Variants in PCDHGB2 observed in about 807,000 individuals in gnomAD.
The protein encoded by PCDHGB2 is protocadherin gamma-B2.
In PCDHGB2, 55 loss-of-function variants were observed where a neutral mutation model predicts 59.3. The ratio of observed to expected loss-of-function variants is 0.93; its 90% CI spans 0.75 to 1.16. PCDHGB2 has a LOEUF of 1.16. PCDHGB2 is among the 50% of genes most tolerant of loss of function. The pLI, the probability that PCDHGB2 is intolerant of heterozygous loss-of-function variation, is 0.00. For synonymous variants in PCDHGB2, 516 were observed against 512.0 expected, an observed-to-expected ratio of 1.01 and a Z score of -0.11; for missense variants, 1,228 against 1,198.5, an observed-to-expected ratio of 1.02 and a Z score of -0.36.
intron 1 of PCDHGB2, among the ~76,000 whole-genome samples, chr5:141,363,020 A>G (rs538916334): frequency 6.6e-6 from 1 of 152,380 alleles, no homozygotes; most frequent in South Asian, 2.1e-4. Flanking sequence ...CATGGGTAGG[A>G]CATTGTCCCA....
intron 1 of PCDHGB2, chr5:141,383,266 A>T: frequency 6.2e-7 from 1 of 1,613,948 alleles, no homozygotes. Context: ...AGACGTGGAA[A>T]TAATAGATAT....
At chr5:141,450,729 C>T (rs370122389) in intron 1 of PCDHGB2, among the ~76,000 whole-genome samples, 3 of 152,048 alleles carry the variant, frequency 2.0e-5, no homozygotes, top group Non-Finnish European at 2.9e-5. Context: ...TCAGGTGATC[C>T]GCCCGCCTTG....
chr5:141,485,362 G>T lies in PCDHGB2; in HGVS notation c.2422-9445G>T. 6.2e-7 allele frequency: 1 copy of T among 1,614,144 alleles called. No individual in the cohort carries two copies. ...ATACGGACAGTCTGTCAGCTCGCAG[G>T]CTGCAGGTCGCTGGAGAGGTGAACC... is the stretch of plus-strand genomic sequence containing the variant. On this transcript the variant is annotated intron_variant, in intron 1 of 3. Coordinates refer to ENST00000522605, the MANE Select transcript of PCDHGB2 (RefSeq NM_018923.3). The surrounding 1 kb of genome is among the most constrained non-coding windows in gnomAD (Gnocchi z 5.7).
chr5:141,479,324 C>G (rs2099492748), intron 1 of PCDHGB2: 1 of 152,556 alleles, frequency 6.6e-6, no homozygotes, highest in Admixed American at 6.5e-5. Context: ...TAGCCAGACT[C>G]AGTGGTGTGC....
intron 1 of PCDHGB2, among the ~76,000 whole-genome samples, chr5:141,492,781 T>A (rs945023154): frequency 6.6e-6 from 1 of 152,194 alleles, no homozygotes; most frequent in African/African-American, 2.4e-5. Context: ...TGAGTGAGCC[T>A]CTATAGGACA....
chr5:141,370,887 A>G, intron 1 of PCDHGB2: 1 of 1,614,024 alleles, frequency 6.2e-7, no homozygotes, highest in South Asian at 1.1e-5. Context: ...TGTAGGTGTC[A>G]ATTCGCTGCA....
intron 1 of PCDHGB2, chr5:141,428,064 G>A: frequency 6.2e-7 from 1 of 1,609,060 alleles, no homozygotes; most frequent in East Asian, 2.2e-5. Flanking sequence ...GGCGGTGGAC[G>A]CAGATTCGGG....
intron 1 of PCDHGB2, among the ~76,000 whole-genome samples, chr5:141,447,650 T>G (rs555134653): frequency 1.3e-5 from 2 of 151,988 alleles, no homozygotes; most frequent in Non-Finnish European, 2.9e-5. Flanking sequence ...GGTAGAATTT[T>G]CCCCCCCAGG....
chr5:141,372,932 G>A (rs3806834), intron 1 of PCDHGB2: 35,987 of 882,390 alleles, frequency 0.041, 1,563 homozygotes, highest in Admixed American at 0.21. Flanking sequence ...TTCTGGTGTA[G>A]AGTAGGGTGT....
At chr5:141,423,617 A>T (rs1426014397) in intron 1 of PCDHGB2, 3 of 1,608,486 alleles carry the variant, frequency 1.9e-6, no homozygotes, top group Admixed American at 1.7e-5. Flanking sequence ...ATAGCTGAAG[A>T]CTCAGCTATC....
chr5:141,499,677 T>C (rs2099793326), intron 2 of PCDHGB2, among the ~76,000 whole-genome samples: 1 of 151,690 alleles, frequency 6.6e-6, no homozygotes, highest in African/African-American at 2.4e-5. Flanking sequence ...CTCCACCATC[T>C]TTAACAGATG....
chr5:141,410,090 C>G (rs369832481), intron 1 of PCDHGB2: 3 of 1,612,358 alleles, frequency 1.9e-6, no homozygotes, highest in South Asian at 2.2e-5. Context: ...GCGCACGGCT[C>G]GAGCCTTAGG....
At chr5:141,430,638 G>A in intron 1 of PCDHGB2, 1 of 898,338 alleles carries the variant, frequency 1.1e-6, no homozygotes, top group Non-Finnish European at 1.6e-6. Flanking sequence ...CCATCCCTGG[G>A]AGTATGTGGA....
rs369551410 is a variant in PCDHGB2, at chr5:141,415,294, G to A, written c.2421+52738G>A. ...GGTAGCGGTGGCCGCGGTCTCCTGC[G>A]TCTTCCTGGCCTTCGTCATCGTGCT... On this transcript the variant is annotated intron_variant, in intron 1 of 3. Transcript: ENST00000522605. 10 of 1,614,050 alleles carry A rather than the reference G, an allele frequency of 6.2e-6. No homozygotes were observed. In the African/African-American group the frequency reaches 1.1e-4, roughly 17 times the overall value.
intron 1 of PCDHGB2, chr5:141,403,051 C>T (rs1273209859): frequency 3.7e-6 from 6 of 1,614,086 alleles, no homozygotes; most frequent in Admixed American, 1.7e-5. Context: ...AGATTCGCTA[C>T]TCAGTGCCTG....
At chr5:141,372,605 T>G in intron 1 of PCDHGB2, 5 of 1,614,050 alleles carry the variant, frequency 3.1e-6, no homozygotes, top group Non-Finnish European at 4.2e-6. Flanking sequence ...AGACTGTACC[T>G]GGAGTTCTCC....
intron 1 of PCDHGB2, among the ~76,000 whole-genome samples, chr5:141,471,768 T>A (rs1203999329): frequency 6.6e-6 from 1 of 152,174 alleles, no homozygotes; most frequent in Non-Finnish European, 1.5e-5. Context: ...GGTCAAAAGA[T>A]GAGTTTGACA....
intron 1 of PCDHGB2, among the ~76,000 whole-genome samples, chr5:141,372,993 T>G (rs977934205): frequency 1.3e-5 from 2 of 152,356 alleles, no homozygotes; most frequent in African/African-American, 4.8e-5. Context: ...TTGCAGTTGT[T>G]CTTTCATAGA....
chr5:141,393,127 A>T (rs766823317), intron 1 of PCDHGB2: 14 of 1,613,320 alleles, frequency 8.7e-6, no homozygotes, highest in Non-Finnish European at 1.2e-5. Flanking sequence ...TGTCTGATAA[A>T]TATTAACACC....
Sources: allele counts gnomAD v4.1 joint callset (sites outside exome capture counted in the v4.1 genomes callset), GRCh38; gene constraint gnomAD v4.1.1; non-coding constraint Gnocchi (gnomAD v3.1); transcripts MANE v1.5; gene names NCBI Gene and HGNC (gene_info 2026-07-23, HGNC 2026-07-21).